LRRC1: variants seen among roughly 807,000 people sequenced by gnomAD.
LRRC1 encodes the protein leucine-rich repeat-containing protein 1.
A neutral mutation model predicts 69.9 loss-of-function variants in LRRC1; 28 were observed. The observed-to-expected ratio is 0.40, with a 90% CI of 0.30 to 0.55. LRRC1 has a LOEUF of 0.55. LRRC1 is among the 20% of genes least tolerant of loss of function. The pLI is 0.47. For missense variants in LRRC1, 498 were observed against 609.0 expected (o/e 0.82, Z 1.92); for synonymous variants, 236 against 240.2 (o/e 0.98, Z 0.16).
chr6:53,831,366 C>T (rs894501855), intron 1 of LRRC1, among the ~76,000 whole-genome samples: 2 of 152,122 alleles, frequency 1.3e-5, no homozygotes, highest in Non-Finnish European at 2.9e-5. Flanking sequence ...GTTATTTGTT[C>T]TCTTAGTATT....
At chr6:53,797,079 G>C (rs190449828) in intron 1 of LRRC1, among the ~76,000 whole-genome samples, 3 of 151,906 alleles carry the variant, frequency 2.0e-5, no homozygotes, top group African/African-American at 7.2e-5. Context: ...CCTTTGACTG[G>C]ATTGGCTTTT....
intron 4 of LRRC1, among the ~76,000 whole-genome samples, chr6:53,887,703 T>C (rs1256914198): frequency 6.6e-6 from 1 of 152,212 alleles, no homozygotes; most frequent in Non-Finnish European, 1.5e-5. Context: ...AACACATTAG[T>C]GTCTCCCCTC....
chr6:53,824,309 G>T lies in LRRC1; in HGVS notation c.160-17801G>T, dbSNP rs145134825. On this transcript the variant is annotated intron_variant, in intron 1 of 13. Transcript: ENST00000370888. ...TTATGTCTTCTTTTGAAAAGTGTCC[G>T]TTGCCCTTTGCCCACTTTTTAATGG... Among the ~76,000 whole-genome samples the T allele has an allele frequency of 6.8e-3, 1,035 of 151,502 alleles. 7 individuals are homozygous for T. Among genetic ancestry groups the T allele is most frequent in the Non-Finnish European group, 0.013 (849 of 67,864 alleles).
chr6:53,912,076 A>G (rs1018467836), intron 10 of LRRC1, among the ~76,000 whole-genome samples: 1 of 152,254 alleles, frequency 6.6e-6, no homozygotes. Context: ...GTAAGTAAAT[A>G]AAGTGTATAA....
intron 2 of LRRC1, among the ~76,000 whole-genome samples, chr6:53,868,831 G>C (rs1766791300): frequency 6.6e-6 from 1 of 152,086 alleles, no homozygotes; most frequent in Admixed American, 6.6e-5. Context: ...TCATTCCCTA[G>C]GGATCACCCT....
intron 2 of LRRC1, among the ~76,000 whole-genome samples, chr6:53,867,451 A>C (rs1276578563): frequency 1.3e-5 from 2 of 152,178 alleles, no homozygotes; most frequent in Non-Finnish European, 2.9e-5. Flanking sequence ...AATCTCACTA[A>C]TTGAAAGCAA....
At chr6:53,816,286 G>A (rs921637329) in intron 1 of LRRC1, among the ~76,000 whole-genome samples, 2 of 151,954 alleles carry the variant, frequency 1.3e-5, no homozygotes, top group Non-Finnish European at 2.9e-5. Context: ...TTCTTGGCTT[G>A]GTAATTATAT....
intron 10 of LRRC1, among the ~76,000 whole-genome samples, chr6:53,912,697 T>C (rs2127441332): frequency 6.6e-6 from 1 of 152,348 alleles, no homozygotes; most frequent in Admixed American, 6.5e-5. Context: ...AAATATGCAT[T>C]CTGCTTTTGA....
chr6:53,883,168 G>C (rs551524728), intron 4 of LRRC1, among the ~76,000 whole-genome samples, 192 bp downstream of exon 4: 5 of 152,076 alleles, frequency 3.3e-5, no homozygotes, highest in Non-Finnish European at 7.4e-5. Flanking sequence ...AAATTTTATT[G>C]GTTAAAAAGG....
intron 10 of LRRC1, among the ~76,000 whole-genome samples, chr6:53,913,402 G>A (rs1350088263): frequency 1.3e-5 from 2 of 151,566 alleles, no homozygotes; most frequent in Admixed American, 6.6e-5. Context: ...CAAGAATGCT[G>A]AAGTTAATAT....
intron 2 of LRRC1, among the ~76,000 whole-genome samples, chr6:53,876,177 A>G (rs940384780): frequency 6.6e-6 from 1 of 152,158 alleles, no homozygotes; most frequent in South Asian, 2.1e-4. Flanking sequence ...TCTTATGTGG[A>G]TGGTGGCAGG....
intron 1 of LRRC1, among the ~76,000 whole-genome samples, chr6:53,836,356 C>T (rs573922687): frequency 2.6e-5 from 4 of 152,274 alleles, no homozygotes; most frequent in South Asian, 2.1e-4. Flanking sequence ...AACTTATATG[C>T]GTAGGTATCA....
rs538702416 is a variant in LRRC1, at chr6:53,922,707, C to T, written c.1489C>T (p.Arg497Trp). The part of the protein sequence containing the change: ...KHMKKTVENL[R>W]NDMNAAKGLD... ...CATGAAAAAGACAGTGGAGAATTTA[C>T]GGAATGACATGAATGCTGCTAAAGG... Residue 497 changes from arginine (R) to tryptophan (W), a missense_variant, in exon 14 of 14, where the codon CGG becomes TGG. Transcript: ENST00000370888. The T allele has an allele frequency of 2.4e-5, 38 of 1,613,936 alleles. No homozygotes were observed. The highest frequency in any genetic ancestry group is 5.0e-5 in the Admixed American group (3 of 60,002).
intron 4 of LRRC1, among the ~76,000 whole-genome samples, chr6:53,888,812 A>G (rs867217856): frequency 2.6e-5 from 4 of 152,232 alleles, no homozygotes; most frequent in Non-Finnish European, 5.9e-5. Context: ...GTGGTTTCCT[A>G]GCTATGACAC....
intron 1 of LRRC1, among the ~76,000 whole-genome samples, chr6:53,821,540 GA>G (rs1235152247): frequency 2.6e-5 from 4 of 152,204 alleles, no homozygotes; most frequent in Non-Finnish European, 5.9e-5. Flanking sequence ...GCCTGTCATG[GA>G]GGGCCTCCTC....
At chr6:53,827,449 G>T (rs6650996) in intron 1 of LRRC1, among the ~76,000 whole-genome samples, 126,404 of 151,916 alleles carry the variant, frequency 0.83, 52,777 homozygotes, top group East Asian at 0.92. Context: ...ACTACAGGGG[G>T]CTCATTAATC....
intron 1 of LRRC1, among the ~76,000 whole-genome samples, chr6:53,816,383 G>A (rs771047691): frequency 6.6e-6 from 1 of 151,506 alleles, no homozygotes; most frequent in Non-Finnish European, 1.5e-5. Context: ...AGTTCATTAC[G>A]TGACAGAATA....
At chr6:53,897,690 C>G (rs1037830975) in intron 7 of LRRC1, among the ~76,000 whole-genome samples, 1 of 152,202 alleles carries the variant, frequency 6.6e-6, no homozygotes, top group Non-Finnish European at 1.5e-5. Context: ...TGATGGTATA[C>G]CTTTCCGCCA....
At chr6:53,801,561 A>C (rs1277975992) in intron 1 of LRRC1, among the ~76,000 whole-genome samples, 1 of 151,956 alleles carries the variant, frequency 6.6e-6, no homozygotes, top group Non-Finnish European at 1.5e-5. Context: ...CATTTCTCAG[A>C]TACCCTGTTA....
Sources: gnomAD v4.1 joint callset for allele counts (sites outside exome capture counted in the v4.1 genomes callset) on GRCh38, gnomAD v4.1.1 for gene constraint, MANE v1.5 for transcripts, NCBI Gene and HGNC (gene_info 2026-07-23, HGNC 2026-07-21) for gene names.